CADPS: variants seen among roughly 807,000 people sequenced by gnomAD.
The protein encoded by CADPS is calcium dependent secretion activator.
A neutral mutation model predicts 167.3 loss-of-function variants in CADPS; 57 were observed. The ratio of observed to expected loss-of-function variants is 0.34; its 90% confidence interval spans 0.28 to 0.42. The LOEUF is 0.42. Among genes scored for constraint, CADPS ranks in the 20% least tolerant of loss-of-function variants. The pLI is 1.00. For missense variants in CADPS, 1,414 were observed against 1,738.1 expected (o/e 0.81, Z 3.32); for synonymous variants, 676 against 635.3 (o/e 1.06, Z -0.96).
rs757717009 is a variant in CADPS, at chr3:62,403,188, GAA to G, written c.3778-5_3778-4del. On this transcript the variant is annotated splice_region_variant and splice_polypyrimidine_tract_variant and intron_variant, in intron 28 of 29. Transcript: ENST00000383710. ...TTCATGGAGCTGTTGTACCATTGCT[GAA>G]AAAAGAGACAAAAGTTCTCCAGCCA... The G allele has an allele frequency of 6.2e-7, 1 of 1,607,832 alleles. No homozygotes were observed. Among genetic ancestry groups the G allele is most frequent in the Non-Finnish European group, 8.5e-7 (1 of 1,175,044 alleles).
At chr3:62,862,216 GGTTT>G (rs2080930170) in intron 1 of CADPS, among the ~76,000 whole-genome samples, 1 of 146,718 alleles carries the variant, frequency 6.8e-6, no homozygotes. Context: ...TGAAAACAGT[GGTTT>G]TTTTTTTTTT....
intron 1 of CADPS, among the ~76,000 whole-genome samples, chr3:62,842,659 T>G (rs1398367595): frequency 6.6e-6 from 1 of 152,130 alleles, no homozygotes; most frequent in Non-Finnish European, 1.5e-5. Context: ...AGGCAGAAAT[T>G]TGCAGAGAGA....
At chr3:62,589,330 C>T (rs574195483) in intron 7 of CADPS, among the ~76,000 whole-genome samples, 20 of 152,298 alleles carry the variant, frequency 1.3e-4, no homozygotes, top group Admixed American at 7.2e-4. Flanking sequence ...AGGCCAGCTC[C>T]GCTGCAATTG....
chr3:62,493,002 C>T (rs2064001136), intron 19 of CADPS, among the ~76,000 whole-genome samples: 1 of 152,140 alleles, frequency 6.6e-6, no homozygotes, highest in South Asian at 2.1e-4. Context: ...GCAATTGTCA[C>T]AAAACTTTTG....
At chr3:62,782,540 T>A (rs1252528212) in intron 1 of CADPS, among the ~76,000 whole-genome samples, 8 of 152,142 alleles carry the variant, frequency 5.3e-5, no homozygotes, top group Non-Finnish European at 1.2e-4. Context: ...ACTCACATTT[T>A]TTCATGAAGA....
chr3:62,550,001 G>T lies in CADPS; in HGVS notation c.1868C>A (p.Thr623Lys), dbSNP rs755549772. 1.2e-6 allele frequency: 2 copies of T among 1,614,078 alleles called. No individual in the cohort carries two copies. Among genetic ancestry groups the T allele is most frequent in the South Asian group, 1.1e-5 (1 of 91,080 alleles). The stretch of plus-strand genomic sequence containing the variant: ...GGGCACAGGCTTGTGTGACTGCCCC[G>T]TGGCCCGATACATGGCCTGGACCCA... ...ILWVQAMYRA[T>K]GQSHKPVPPT... Residue 623 changes from threonine to lysine, a missense_variant, in exon 11 of 30, where the codon ACG (threonine) becomes AAG (lysine). By Grantham distance (78) the Thr-to-Lys change is moderately conservative. Around this residue, in one of 6 missense-constraint regions of CADPS, gnomAD observed 529 missense variants for 629.6 expected, o/e 0.84. Transcript: ENST00000383710.
intron 1 of CADPS, among the ~76,000 whole-genome samples, chr3:62,860,548 ATAT>A (rs920391715): frequency 2.6e-5 from 4 of 152,044 alleles, no homozygotes; most frequent in African/African-American, 9.7e-5. Flanking sequence ...CATCCTGCTA[ATAT>A]TATATTTTCA....
intron 6 of CADPS, among the ~76,000 whole-genome samples, chr3:62,640,724 T>C (rs2067245932): frequency 6.6e-6 from 1 of 152,198 alleles, no homozygotes; most frequent in Admixed American, 6.5e-5. Context: ...ATCTTTGGTT[T>C]CAATTCAGTA....
chr3:62,859,434 T>C (rs1346389793), intron 1 of CADPS, among the ~76,000 whole-genome samples: 1 of 152,310 alleles, frequency 6.6e-6, no homozygotes. Flanking sequence ...GACTGAAAGA[T>C]AGCTTTGGGC....
chr3:62,851,811 A>C (rs1380012092), intron 1 of CADPS, among the ~76,000 whole-genome samples: 2 of 150,296 alleles, frequency 1.3e-5, no homozygotes, highest in African/African-American at 4.9e-5. Context: ...CCTGAATCTG[A>C]ACGTTGGCCT....
intron 3 of CADPS, among the ~76,000 whole-genome samples, chr3:62,668,895 G>T (rs1407794403): frequency 6.6e-6 from 1 of 152,094 alleles, no homozygotes; most frequent in Non-Finnish European, 1.5e-5. Context: ...ACCCACAGTC[G>T]CACAACGATC....
intron 21 of CADPS, among the ~76,000 whole-genome samples, chr3:62,488,469 ATTATTTAT>A (rs760932725): frequency 5.6e-4 from 84 of 150,500 alleles, no homozygotes; most frequent in African/African-American, 6.6e-4. Flanking sequence ...CACTGTTTTT[ATTATTTAT>A]TTATTTATTT....
chr3:62,706,619 G>C (rs571394187), intron 3 of CADPS, among the ~76,000 whole-genome samples: 1 of 152,126 alleles, frequency 6.6e-6, no homozygotes, highest in Non-Finnish European at 1.5e-5. Flanking sequence ...CCTCTCCCTA[G>C]CTTCTGATGC....
intron 9 of CADPS, among the ~76,000 whole-genome samples, chr3:62,558,219 C>T (rs2152340858): frequency 6.6e-6 from 1 of 152,334 alleles, no homozygotes; most frequent in South Asian, 2.1e-4. Context: ...CAATCCTCAG[C>T]CCCCACAATG....
chr3:62,811,959 TTTATC>T (rs2094413068), intron 1 of CADPS, among the ~76,000 whole-genome samples: 2 of 152,192 alleles, frequency 1.3e-5, no homozygotes, highest in African/African-American at 4.8e-5. Flanking sequence ...TTAAATGTCT[TTTATC>T]TATGTATATT....
intron 1 of CADPS, among the ~76,000 whole-genome samples, chr3:62,782,916 T>A (rs1161682523): frequency 1.3e-5 from 2 of 152,016 alleles, no homozygotes; most frequent in African/African-American, 4.8e-5. Context: ...CCCGCCACCA[T>A]GCCTGGCTAA....
intron 3 of CADPS, among the ~76,000 whole-genome samples, chr3:62,670,679 A>G (rs1580105732): frequency 1.3e-5 from 2 of 152,048 alleles, no homozygotes. Flanking sequence ...GCCAATAAAT[A>G]CATTAAAAAA....
chr3:62,632,090 C>A (rs1426078012), intron 6 of CADPS, among the ~76,000 whole-genome samples: 1 of 152,158 alleles, frequency 6.6e-6, no homozygotes, highest in Non-Finnish European at 1.5e-5. Flanking sequence ...CTAATAACAC[C>A]ATTTCCTAGG....
At chr3:62,801,583 A>G (rs537646651) in intron 1 of CADPS, among the ~76,000 whole-genome samples, 1 of 152,320 alleles carries the variant, frequency 6.6e-6, no homozygotes, top group African/African-American at 2.4e-5. Flanking sequence ...CTGTGGTTCC[A>G]TGTTTTAAAT....
Sources: allele counts gnomAD v4.1 joint callset (sites outside exome capture counted in the v4.1 genomes callset), GRCh38; gene constraint gnomAD v4.1.1; regional missense constraint gnomAD v4.1.1; transcripts MANE v1.5; gene names NCBI Gene and HGNC (gene_info 2026-07-23, HGNC 2026-07-21).